ATP13A5: variants seen among roughly 807,000 people sequenced by gnomAD.
The protein encoded by ATP13A5 is ATPase 13A5, also known as probable cation-transporting ATPase 13A5.
In ATP13A5, 149 loss-of-function variants were observed where a neutral mutation model predicts 150.2. The observed-to-expected ratio is 0.99, with a 90% CI of 0.87 to 1.14. The LOEUF is 1.14. ATP13A5 is among the 50% of genes most tolerant of loss of function. The pLI is 0.00. For synonymous variants in ATP13A5, 497 were observed against 522.2 expected, an observed-to-expected ratio of 0.95 and a Z score of 0.66; for missense variants, 1,383 against 1,449.3, an observed-to-expected ratio of 0.95 and a Z score of 0.74.
chr3:193,342,676 G>A (rs543041727), intron 9 of ATP13A5, among the ~76,000 whole-genome samples: 276 of 152,238 alleles, frequency 1.8e-3, no homozygotes, highest in Middle Eastern at 3.4e-3. Context: ...GGGAATCAAG[G>A]CAAGTTCTAT....
chr3:193,327,410 C>T lies in ATP13A5; in HGVS notation c.1462-353G>A, dbSNP rs576927831. 2.0e-5 allele frequency among the ~76,000 whole-genome samples: 3 copies of T among 152,298 alleles called. No homozygotes were observed. In the South Asian group the frequency reaches 6.2e-4, roughly 32 times the overall value. ...CTCGAGTCTGACTTTTAGTTGTCAC[C>T]TGCTATCTCGCTGAAGCAGAGCTCA... On this transcript the variant is annotated intron_variant, in intron 12 of 29. Coordinates refer to ENST00000342358, the MANE Select transcript of ATP13A5 (RefSeq NM_198505.4).
At chr3:193,351,941 C>T (rs1712578868) in intron 6 of ATP13A5, among the ~76,000 whole-genome samples, 1 of 152,126 alleles carries the variant, frequency 6.6e-6, no homozygotes, top group Non-Finnish European at 1.5e-5. Context: ...ATAATGAGAG[C>T]AGAGAGGGCA....
At chr3:193,305,535 C>G in intron 23 of ATP13A5, 24 bp downstream of exon 23, 1 of 1,579,868 alleles carries the variant, frequency 6.3e-7, no homozygotes, top group Non-Finnish European at 8.7e-7. Context: ...GATTGTAGGG[C>G]TGGAAGAGGA....
chr3:193,287,787 A>G (rs1331945835), intron 26 of ATP13A5, among the ~76,000 whole-genome samples: 5 of 152,192 alleles, frequency 3.3e-5, no homozygotes, highest in African/African-American at 1.2e-4. Context: ...TTTTAAGACT[A>G]TAGCTGCCAT....
intron 23 of ATP13A5, among the ~76,000 whole-genome samples, chr3:193,303,570 A>T (rs1168460915): frequency 1.3e-5 from 2 of 152,044 alleles, no homozygotes; most frequent in Non-Finnish European, 2.9e-5. Context: ...GTATATATGT[A>T]AAGGAGATAT....
chr3:193,296,671 CT>C (rs932330843), intron 25 of ATP13A5, among the ~76,000 whole-genome samples: 27 of 151,106 alleles, frequency 1.8e-4, no homozygotes, highest in East Asian at 5.9e-4. Context: ...TATTCGTGCT[CT>C]TTTTTTTTGT....
chr3:193,377,209 A>T (rs1713675889), intron 1 of ATP13A5, among the ~76,000 whole-genome samples: 1 of 152,224 alleles, frequency 6.6e-6, no homozygotes, highest in South Asian at 2.1e-4. Context: ...GAGCTAACAG[A>T]ATTGTTCAGC....
chr3:193,317,071 T>C (rs1053395008), intron 17 of ATP13A5, among the ~76,000 whole-genome samples: 4 of 152,218 alleles, frequency 2.6e-5, no homozygotes, highest in Non-Finnish European at 5.9e-5. Flanking sequence ...GTTCACTACT[T>C]TAGGCACTTG....
intron 5 of ATP13A5, among the ~76,000 whole-genome samples, chr3:193,360,232 G>T (rs145216146): frequency 6.6e-6 from 1 of 152,296 alleles, no homozygotes; most frequent in East Asian, 1.9e-4. Context: ...CCGGGGTAAA[G>T]TTATTTCTCC....
intron 17 of ATP13A5, among the ~76,000 whole-genome samples, chr3:193,318,549 T>C (rs1719138629): frequency 6.6e-6 from 1 of 152,214 alleles, no homozygotes; most frequent in South Asian, 2.1e-4. Context: ...TATTGAGCAC[T>C]GAAAAAACCA....
intron 1 of ATP13A5, among the ~76,000 whole-genome samples, chr3:193,376,056 A>G (rs999308987): frequency 2.0e-5 from 3 of 152,156 alleles, no homozygotes; most frequent in African/African-American, 7.2e-5. Flanking sequence ...TGTCAACATC[A>G]GAGAGCGACA....
chr3:193,333,747 T>A lies in ATP13A5; in HGVS notation c.1272+3A>T. 6.2e-7 allele frequency: 1 copy of A among 1,612,664 alleles called. No homozygotes were observed. Among genetic ancestry groups the A allele is most frequent in the Non-Finnish European group, 8.5e-7 (1 of 1,179,306 alleles). ...ATTGAAAAGCCTTACCCCCAGTACT[T>A]ACTCCATGGTACATATATACCCCTA... is the stretch of plus-strand genomic sequence containing the variant. On this transcript the variant is annotated splice_donor_region_variant and intron_variant, in intron 11 of 29. Transcript: ENST00000342358.
At chr3:193,282,542 A>G (rs1390704090) in intron 27 of ATP13A5, among the ~76,000 whole-genome samples, 3 of 151,918 alleles carry the variant, frequency 2.0e-5, no homozygotes, top group African/African-American at 4.8e-5. Flanking sequence ...CCCCCAGCTA[A>G]TTTTTGTATT....
At chr3:193,368,705 C>T (rs1227979587) in intron 1 of ATP13A5, among the ~76,000 whole-genome samples, 1 of 152,112 alleles carries the variant, frequency 6.6e-6, no homozygotes, top group African/African-American at 2.4e-5. Context: ...CAAACAGTGC[C>T]AGAGCAAAAC....
At chr3:193,279,514 C>T (rs183190609) in intron 27 of ATP13A5, 60 bp from the exon 28 acceptor site, 23 of 1,390,288 alleles carry the variant, frequency 1.7e-5, no homozygotes, top group Admixed American at 1.4e-4. Flanking sequence ...TAATTTGGCA[C>T]ACATTGCAGA....
At chr3:193,295,672 T>C (rs1207661241) in intron 25 of ATP13A5, among the ~76,000 whole-genome samples, 1 of 152,114 alleles carries the variant, frequency 6.6e-6, no homozygotes, top group Non-Finnish European at 1.5e-5. Flanking sequence ...GCCTTATATG[T>C]GAGGACAGTG....
At chr3:193,346,022 C>A (rs1367776980) in intron 7 of ATP13A5, among the ~76,000 whole-genome samples, 2 of 152,074 alleles carry the variant, frequency 1.3e-5, no homozygotes, top group Non-Finnish European at 2.9e-5. Flanking sequence ...TTGGTTAAGT[C>A]TGCAGATGGG....
intron 26 of ATP13A5, among the ~76,000 whole-genome samples, chr3:193,287,602 AT>A (rs971661640): frequency 2.2e-4 from 33 of 152,292 alleles, no homozygotes; most frequent in African/African-American, 7.7e-4. Context: ...GAAAAAAAAG[AT>A]TCCTTTCAAA....
chr3:193,285,844 G>A (rs1459223397), intron 26 of ATP13A5, among the ~76,000 whole-genome samples: 1 of 152,106 alleles, frequency 6.6e-6, no homozygotes, highest in Non-Finnish European at 1.5e-5. Context: ...TGGTACTAGT[G>A]CCCACAAAAG....
Sources: allele counts gnomAD v4.1 joint callset (sites outside exome capture counted in the v4.1 genomes callset), GRCh38; gene constraint gnomAD v4.1.1; transcripts MANE v1.5; gene names NCBI Gene and HGNC (gene_info 2026-07-23, HGNC 2026-07-21).